Variants in FAM149A observed in about 807,000 individuals in gnomAD.
FAM149A encodes the protein family with sequence similarity 149 member A, also known as protein FAM149A.
Under a neutral mutation model 78.2 loss-of-function variants are expected in FAM149A, and 71 were observed. That is an observed-to-expected ratio of 0.91 (90% confidence interval 0.75 to 1.11). The LOEUF is 1.11. Ranked by LOEUF, FAM149A falls within the 50% of genes least tolerant of loss-of-function variation. The pLI is 0.00. For missense variants in FAM149A, 1,036 were observed against 971.0 expected (o/e 1.07, Z -0.89); for synonymous variants, 446 against 410.5 (o/e 1.09, Z -1.04).
chr4:186,140,325 T>C (rs1371619875), intron 1 of FAM149A, among the ~76,000 whole-genome samples: 1 of 152,150 alleles, frequency 6.6e-6, no homozygotes, highest in Non-Finnish European at 1.5e-5. Flanking sequence ...TGAGACAGTG[T>C]CTTGCTTCGT....
intron 1 of FAM149A, chr4:186,109,778 A>C: frequency 1.0e-6 from 1 of 983,514 alleles, no homozygotes; most frequent in Non-Finnish European, 1.2e-6. Flanking sequence ...AAAATGATTC[A>C]TTATATTTAC....
chr4:186,122,800 T>G, intron 1 of FAM149A: 1 of 662,240 alleles, frequency 1.5e-6, no homozygotes, highest in Non-Finnish European at 1.9e-6. Context: ...GATGAATATC[T>G]AAATGATGAA....
chr4:186,168,659 G>A (rs1018361807), intron 13 of FAM149A, among the ~76,000 whole-genome samples: 3 of 152,182 alleles, frequency 2.0e-5, no homozygotes, highest in Admixed American at 2.0e-4. Flanking sequence ...CCCAGCCCAG[G>A]TGTTGCTTGT....
In FAM149A at chr4:186,165,456, C is replaced by T. The variant is rs1370699515; in HGVS notation, c.2002C>T (p.Leu668Phe). 2 of 1,614,160 alleles carry T rather than the reference C, an allele frequency of 1.2e-6. No individual in the cohort carries two copies. The highest frequency in any genetic ancestry group is 1.7e-5 in the Admixed American group (1 of 60,024). ...GAATACAGCAGTTCCTGGATGCCGC[C>T]TTGTTTCTGTAAGACAGATTTCATT... The change falls in exon 11 of 14, where the codon CTT becomes TTT. Residue 668 changes from leucine to phenylalanine, a missense_variant. Transcript: ENST00000389354.
At chr4:186,136,964 TTCTCTCTCTCTTTCTC>T (rs1470210943) in intron 1 of FAM149A, among the ~76,000 whole-genome samples, 1,006 of 96,864 alleles carry the variant, frequency 0.01, 19 homozygotes, top group African/African-American at 0.028. Flanking sequence ...CTCTCTCTCT[TTCTCTCTCTCTTTCTC>T]TCTCTCTCTC....
chr4:186,134,130 A>G (rs1040770631), intron 1 of FAM149A, among the ~76,000 whole-genome samples: 13 of 152,324 alleles, frequency 8.5e-5, no homozygotes, highest in Middle Eastern at 3.4e-3. Flanking sequence ...ATCTTCACCA[A>G]AACTTACTTT....
chr4:186,129,175 CTG>C (rs2099319585), intron 1 of FAM149A, among the ~76,000 whole-genome samples: 1 of 150,280 alleles, frequency 6.7e-6, no homozygotes, highest in African/African-American at 2.4e-5. Context: ...GTATGTGTCT[CTG>C]TGTCTGTGTA....
At position 186,164,563 on chromosome 4, in the gene FAM149A, C is replaced by T. The variant is rs1344498294; in HGVS notation, c.1890-781C>T. On this transcript the variant is annotated intron_variant, in intron 10 of 13. Coordinates refer to ENST00000389354, the MANE Select transcript of FAM149A (RefSeq NM_001367768.3). The surrounding 1 kb of genome is among the most constrained non-coding windows in gnomAD (Gnocchi z 4.0). ...CTTTCACAGTTTGGGACTGATGTTT[C>T]CAGCTGTGTTGGGTCTGCTGTGCTG... is the stretch of plus-strand genomic sequence containing the variant. 3.5e-5 allele frequency: 30 copies of T among 859,588 alleles called. No individual in the cohort carries two copies. Among genetic ancestry groups the T allele is most frequent in the Non-Finnish European group, 4.2e-5 (30 of 715,122 alleles). 53.2% of individuals were successfully genotyped at this position (859,588 alleles called of 1,614,324 possible).
intron 1 of FAM149A, among the ~76,000 whole-genome samples, chr4:186,129,111 CTG>C (rs1196057001): frequency 1.3e-5 from 2 of 148,894 alleles, no homozygotes; most frequent in African/African-American, 2.5e-5. Context: ...CTCTCTGTGT[CTG>C]TGTATGAGTG....
intron 13 of FAM149A, chr4:186,169,385 G>T (rs923109924): frequency 1.0e-6 from 1 of 985,386 alleles, no homozygotes. Context: ...AATGAGGCGC[G>T]TGCCCCATGC....
chr4:186,116,544 A>T, intron 1 of FAM149A: 1 of 985,268 alleles, frequency 1.0e-6, no homozygotes, highest in South Asian at 4.7e-5. Flanking sequence ...GTTCTGTCTT[A>T]TGCGTAGGCT....
intron 1 of FAM149A, among the ~76,000 whole-genome samples, chr4:186,115,350 G>A (rs1306526655): frequency 6.1e-5 from 9 of 146,722 alleles, no homozygotes; most frequent in East Asian, 2.1e-4. Context: ...ATGTCCTCCC[G>A]TAGCTCAGAA....
At chr4:186,152,796 A>G (rs944213137) in intron 4 of FAM149A, among the ~76,000 whole-genome samples, 2 of 152,024 alleles carry the variant, frequency 1.3e-5, no homozygotes, top group South Asian at 2.1e-4. Flanking sequence ...CGCCCGCCTC[A>G]GCCTCCCAAA....
chr4:186,126,335 G>T (rs1306427943), intron 1 of FAM149A, among the ~76,000 whole-genome samples: 1 of 152,090 alleles, frequency 6.6e-6, no homozygotes, highest in Non-Finnish European at 1.5e-5. Flanking sequence ...TCAATTTTAT[G>T]TGTCAACTTG....
chr4:186,169,879 A>T (rs762569456), intron 13 of FAM149A: 48 of 985,300 alleles, frequency 4.9e-5, no homozygotes, highest in Non-Finnish European at 5.4e-5. Flanking sequence ...AAGAGCTATT[A>T]GAAGAGAGAA....
intron 1 of FAM149A, 143 bp from the exon 2 acceptor site, chr4:186,149,030 G>A (rs1322351988): frequency 8.5e-6 from 3 of 351,082 alleles, no homozygotes; most frequent in African/African-American, 2.2e-5. Context: ...GTGTGTGTGT[G>A]TGCGCTCATG....
At chr4:186,171,647 C>T (rs566149595) in intron 13 of FAM149A, among the ~76,000 whole-genome samples, 4 of 152,268 alleles carry the variant, frequency 2.6e-5, no homozygotes, top group African/African-American at 4.8e-5. Context: ...GGCCAGGACC[C>T]GCCTCTGCAT....
chr4:186,169,905 G>A (rs1392683291), intron 13 of FAM149A: 1 of 985,454 alleles, frequency 1.0e-6, no homozygotes, highest in Non-Finnish European at 1.2e-6. Context: ...CCAACCAAAT[G>A]CACAGCTCCA....
chr4:186,161,526 A>G (rs1455315141), intron 8 of FAM149A, among the ~76,000 whole-genome samples: 11 of 152,202 alleles, frequency 7.2e-5, no homozygotes, highest in Non-Finnish European at 1.5e-4. Context: ...GACAAGTTCA[A>G]TACAACATTT....
Sources: allele counts gnomAD v4.1 joint callset (sites outside exome capture counted in the v4.1 genomes callset), GRCh38; gene constraint gnomAD v4.1.1; non-coding constraint Gnocchi (gnomAD v3.1); transcripts MANE v1.5; gene names NCBI Gene and HGNC (gene_info 2026-07-23, HGNC 2026-07-21).